Variants in LARGE1 observed in about 807,000 individuals in gnomAD.
LARGE1 encodes xylosyl- and glucuronyltransferase LARGE1.
In LARGE1, 43 loss-of-function variants were observed where a neutral mutation model predicts 87.6. The observed-to-expected ratio is 0.49, with a 90% CI of 0.38 to 0.63. LARGE1 has a LOEUF of 0.63. Ranked by LOEUF, LARGE1 falls within the 30% of genes least tolerant of loss-of-function variation. The pLI, the probability that LARGE1 is intolerant of heterozygous loss-of-function variation, is 0.00. For missense variants in LARGE1, 802 were observed against 1,000.2 expected (o/e 0.80, Z 2.67); for synonymous variants, 434 against 394.6 (o/e 1.10, Z -1.18).
intron 6 of LARGE1, among the ~76,000 whole-genome samples, chr22:33,544,400 CT>C (rs1393611736): frequency 6.6e-6 from 1 of 152,042 alleles, no homozygotes; most frequent in Non-Finnish European, 1.5e-5. Flanking sequence ...GAAAGAGTAC[CT>C]TTCTACCAGG....
chr22:33,636,630 C>A (rs934925527), intron 3 of LARGE1, among the ~76,000 whole-genome samples: 2 of 152,110 alleles, frequency 1.3e-5, no homozygotes, highest in South Asian at 4.2e-4. Context: ...TGGGCTCAAG[C>A]GATCCTCTCA....
chr22:33,737,402 G>A (rs1384789745), intron 2 of LARGE1, among the ~76,000 whole-genome samples: 7 of 152,262 alleles, frequency 4.6e-5, no homozygotes, highest in East Asian at 3.9e-4. Flanking sequence ...AGTAACACAC[G>A]CTAAGTCCTG....
chr22:33,369,028 A>G (rs955390749), intron 9 of LARGE1, among the ~76,000 whole-genome samples: 3 of 152,134 alleles, frequency 2.0e-5, no homozygotes, highest in South Asian at 4.1e-4. Flanking sequence ...TAAGGTAACA[A>G]TGAAGTTTCC....
chr22:33,742,219 C>T (rs1018696528), intron 2 of LARGE1, among the ~76,000 whole-genome samples: 5 of 152,236 alleles, frequency 3.3e-5, no homozygotes, highest in South Asian at 2.1e-4. Context: ...TCAGTTTCCT[C>T]GCCTGTAAGC....
intron 6 of LARGE1, among the ~76,000 whole-genome samples, chr22:33,482,576 A>G (rs1305924691): frequency 6.6e-6 from 1 of 152,180 alleles, no homozygotes; most frequent in African/African-American, 2.4e-5. Context: ...AGAGAGCATT[A>G]CAAGAAATGC....
chr22:33,318,606 G>C (rs1488157565), intron 10 of LARGE1, among the ~76,000 whole-genome samples: 12 of 152,122 alleles, frequency 7.9e-5, no homozygotes, highest in Non-Finnish European at 1.5e-4. Context: ...GTGGGGTTGG[G>C]GGAGAGGGGA....
At chr22:33,816,476 A>G (rs2086649929) in intron 1 of LARGE1, among the ~76,000 whole-genome samples, 1 of 152,026 alleles carries the variant, frequency 6.6e-6, no homozygotes. Flanking sequence ...CCTTGTGTCT[A>G]TTTTTAAGGG....
At chr22:33,614,620 A>G (rs966339448) in intron 4 of LARGE1, among the ~76,000 whole-genome samples, 8 of 152,086 alleles carry the variant, frequency 5.3e-5, no homozygotes, top group Non-Finnish European at 7.4e-5. Flanking sequence ...CTCCTGCAGG[A>G]ATAAAGTCAA....
At chr22:33,675,706 G>C (rs2081559175) in intron 2 of LARGE1, among the ~76,000 whole-genome samples, 2 of 152,054 alleles carry the variant, frequency 1.3e-5, no homozygotes, top group Admixed American at 6.6e-5. Context: ...CCTGCCAAAG[G>C]AATTGTCTCT....
chr22:33,264,465 C>G (rs917534795), intron 11 of LARGE1, among the ~76,000 whole-genome samples: 1 of 152,194 alleles, frequency 6.6e-6, no homozygotes, highest in African/African-American at 2.4e-5. Flanking sequence ...TGGAGACCAG[C>G]CTGGCCAACG....
intron 1 of LARGE1, among the ~76,000 whole-genome samples, chr22:33,807,492 G>C (rs971897606): frequency 6.6e-6 from 1 of 152,192 alleles, no homozygotes; most frequent in Admixed American, 6.5e-5. Flanking sequence ...AGAGTGGTAA[G>C]TTTCTTACAA....
At chr22:33,078,276 T>C in the LARGE1 span, among the ~76,000 whole-genome samples, 1 of 152,218 alleles carries the variant, frequency 6.6e-6, no homozygotes, top group Non-Finnish European at 1.5e-5. Context: ...CATTTAGCCA[T>C]ATTCATATGA....
chr22:33,227,340 A>G (rs1032310124), intron 11 of LARGE1, among the ~76,000 whole-genome samples: 14 of 152,304 alleles, frequency 9.2e-5, no homozygotes, highest in African/African-American at 3.1e-4. Flanking sequence ...AGGGAGGGCC[A>G]ATCCCAAGGA....
chr22:33,858,097 G>C (rs1037398073), intron 1 of LARGE1, among the ~76,000 whole-genome samples: 2 of 152,160 alleles, frequency 1.3e-5, no homozygotes, highest in African/African-American at 4.8e-5. Flanking sequence ...CACGAGTCAC[G>C]GAAGAGAACC....
the LARGE1 span, among the ~76,000 whole-genome samples, chr22:33,135,928 CTAT>C: frequency 6.6e-6 from 1 of 152,168 alleles, no homozygotes; most frequent in East Asian, 1.9e-4. Flanking sequence ...TCATTTAGAA[CTAT>C]TGTTTCCCTG....
chr22:33,603,627 C>CA (rs2079168397), intron 5 of LARGE1, among the ~76,000 whole-genome samples: 1 of 152,096 alleles, frequency 6.6e-6, no homozygotes, highest in Non-Finnish European at 1.5e-5. Flanking sequence ...ATGGAAGGAA[C>CA]AGAATAAGCA....
chr22:33,219,973 G>C (rs1480744454), intron 11 of LARGE1, among the ~76,000 whole-genome samples: 1 of 152,120 alleles, frequency 6.6e-6, no homozygotes, highest in Admixed American at 6.5e-5. Context: ...GAGAAAAAAA[G>C]AAAAGAAAAG....
chr22:33,905,070 T>A (rs1396398788), intron 1 of LARGE1, among the ~76,000 whole-genome samples: 1 of 144,840 alleles, frequency 6.9e-6, no homozygotes, highest in Non-Finnish European at 1.5e-5. Context: ...TCCTTTTTTT[T>A]TTTTTTTTTT....
the LARGE1 span, among the ~76,000 whole-genome samples, chr22:33,133,291 A>C: frequency 6.6e-6 from 1 of 152,168 alleles, no homozygotes; most frequent in Non-Finnish European, 1.5e-5. Context: ...TCAACCCGTC[A>C]TCTACATTAG....
Sources: gnomAD v4.1 joint callset for allele counts (sites outside exome capture counted in the v4.1 genomes callset) on GRCh38, gnomAD v4.1.1 for gene constraint, MANE v1.5 for transcripts, NCBI Gene and HGNC (gene_info 2026-07-23, HGNC 2026-07-21) for gene names.